The following EYS variants were observed in gnomAD, a reference collection of about 807,000 sequenced individuals.
EYS encodes the protein EGF-like photoreceptor maintenance factor, also known as protein eyes shut homolog.
Under a neutral mutation model 282.1 loss-of-function variants are expected in EYS, and 250 were observed. That is an observed-to-expected ratio of 0.89 (90% CI 0.80 to 0.98). The LOEUF (loss-of-function observed/expected upper bound fraction) is 0.98. EYS is among the 50% of genes least tolerant of loss of function. The pLI is 0.00. For synonymous variants in EYS, 1,355 were observed against 1,282.9 expected, an observed-to-expected ratio of 1.06 and a Z score of -1.20; for missense variants, 4,016 against 3,709.0, an observed-to-expected ratio of 1.08 and a Z score of -2.15.
At chr6:65,240,153 A>G (rs1030748489) in intron 12 of EYS, among the ~76,000 whole-genome samples, 2 of 151,990 alleles carry the variant, frequency 1.3e-5, no homozygotes, top group African/African-American at 4.8e-5. Context: ...TATTTTTAGT[A>G]GAGACGGGGT....
chr6:64,978,150 G>A (rs1056484122), intron 14 of EYS, among the ~76,000 whole-genome samples: 1 of 151,886 alleles, frequency 6.6e-6, no homozygotes, highest in Non-Finnish European at 1.5e-5. Flanking sequence ...AGTTAGAGAG[G>A]AGATGTCAAT....
At chr6:63,879,391 G>A (rs2149717563) in intron 35 of EYS, among the ~76,000 whole-genome samples, 1 of 152,232 alleles carries the variant, frequency 6.6e-6, no homozygotes, top group African/African-American at 2.4e-5. Flanking sequence ...CTGGTTGGTG[G>A]AGAGAGGGAG....
chr6:65,474,081 G>T (rs189257701), intron 5 of EYS, among the ~76,000 whole-genome samples: 1 of 152,048 alleles, frequency 6.6e-6, no homozygotes, highest in African/African-American at 2.4e-5. Flanking sequence ...TCAAGTAGGT[G>T]TATCCATCAA....
intron 22 of EYS, among the ~76,000 whole-genome samples, chr6:64,712,954 A>C (rs572859322): frequency 6.6e-6 from 1 of 152,230 alleles, no homozygotes; most frequent in Non-Finnish European, 1.5e-5. Flanking sequence ...AACTATTAGA[A>C]GAATGCATTC....
At chr6:63,948,520 C>T (rs1765466003) in intron 35 of EYS, among the ~76,000 whole-genome samples, 1 of 152,188 alleles carries the variant, frequency 6.6e-6, no homozygotes, top group Non-Finnish European at 1.5e-5. Flanking sequence ...CAACAAGATG[C>T]TGATCAGACA....
chr6:64,333,729 C>T (rs1056213188), intron 29 of EYS, among the ~76,000 whole-genome samples: 3 of 152,144 alleles, frequency 2.0e-5, no homozygotes, highest in African/African-American at 7.2e-5. Context: ...TACCCCAATG[C>T]AACAGTTTAG....
chr6:64,641,306 A>G (rs1202481944), intron 22 of EYS, among the ~76,000 whole-genome samples: 1 of 152,150 alleles, frequency 6.6e-6, no homozygotes, highest in Non-Finnish European at 1.5e-5. Flanking sequence ...CTCATTCACT[A>G]TCACCAGAAT....
At chr6:63,838,857 G>C (rs970379663) in intron 36 of EYS, among the ~76,000 whole-genome samples, 3 of 151,986 alleles carry the variant, frequency 2.0e-5, no homozygotes, top group Non-Finnish European at 4.4e-5. Context: ...CTCTTCATAA[G>C]TGATCTCATA....
chr6:65,138,350 C>T (rs1561985237), intron 12 of EYS, among the ~76,000 whole-genome samples: 1 of 151,868 alleles, frequency 6.6e-6, no homozygotes, highest in Admixed American at 6.6e-5. Flanking sequence ...TTTTTGGAAG[C>T]CCAGTATTAC....
intron 31 of EYS, among the ~76,000 whole-genome samples, chr6:64,094,655 G>C (rs1772516225): frequency 6.6e-6 from 1 of 151,830 alleles, no homozygotes; most frequent in African/African-American, 2.4e-5. Flanking sequence ...ATTTTCTTCT[G>C]TATTAATCTT....
chr6:64,348,123 A>T (rs1318254152), intron 29 of EYS, among the ~76,000 whole-genome samples: 1 of 151,438 alleles, frequency 6.6e-6, no homozygotes, highest in African/African-American at 2.4e-5. Flanking sequence ...ACTGATTGAG[A>T]AATTATTTTA....
rs1222153906 is a variant in EYS, at chr6:65,116,332, T to A, written c.2024-58605A>T. 2.0e-5 allele frequency among the ~76,000 whole-genome samples: 3 copies of A among 152,220 alleles called. No homozygotes were observed. The South Asian group carries it at 6.2e-4, about 32-fold the overall frequency. ...ACATTCTTCACGTCTAATTAACACATTTTCCCCATAGTACTCTGGAAAGTG... is the reference window on the plus strand; with the variant it reads ...ACATTCTTCACGTCTAATTAACACAATTTCCCCATAGTACTCTGGAAAGTG... On this transcript the variant is annotated intron_variant, in intron 12 of 42. Coordinates refer to ENST00000503581, the MANE Select transcript of EYS (RefSeq NM_001142800.2).
At chr6:65,090,891 G>T (rs1413761332) in intron 12 of EYS, among the ~76,000 whole-genome samples, 1 of 151,848 alleles carries the variant, frequency 6.6e-6, no homozygotes, top group Non-Finnish European at 1.5e-5. Context: ...CTGTCATAAG[G>T]TCTGAGAATG....
intron 31 of EYS, among the ~76,000 whole-genome samples, chr6:64,098,262 C>T (rs1042419540): frequency 6.6e-6 from 1 of 151,946 alleles, no homozygotes; most frequent in East Asian, 1.9e-4. Context: ...GACAAATTTC[C>T]ATTAATAGAC....
intron 31 of EYS, among the ~76,000 whole-genome samples, chr6:64,225,956 G>T (rs1426220632): frequency 1.3e-5 from 2 of 152,062 alleles, no homozygotes; most frequent in Non-Finnish European, 2.9e-5. Flanking sequence ...TAAATATGCA[G>T]CATTGCTCTC....
intron 31 of EYS, among the ~76,000 whole-genome samples, chr6:64,102,177 A>G (rs1772852199): frequency 6.6e-6 from 1 of 152,212 alleles, no homozygotes; most frequent in Non-Finnish European, 1.5e-5. Context: ...TTGAATGTGT[A>G]GCATAATATT....
rs1399493226 is a variant in EYS at position 64,529,918 on chromosome 6, G to C, written c.5644+60305C>G. Reference sequence around the variant, plus strand: ...GATGGAAACTCAGAATCCAATGTTAGTGAAGAAAAAGATTCTGTAAGTAGA... The same window carrying C: ...GATGGAAACTCAGAATCCAATGTTACTGAAGAAAAAGATTCTGTAAGTAGA... On this transcript the variant is annotated intron_variant, in intron 26 of 42. Transcript: ENST00000503581. 5.9e-5 allele frequency among the ~76,000 whole-genome samples: 9 copies of C among 152,190 alleles called. No individual in the cohort carries two copies. The East Asian group carries it at 1.5e-3, about 26-fold the overall frequency.
chr6:64,040,831 G>A (rs988697431), intron 33 of EYS, among the ~76,000 whole-genome samples: 1 of 152,114 alleles, frequency 6.6e-6, no homozygotes, highest in Non-Finnish European at 1.5e-5. Flanking sequence ...TTATCCTCGA[G>A]CTCCTAAAAA....
chr6:63,948,252 G>A (rs913047899), intron 35 of EYS, among the ~76,000 whole-genome samples: 2 of 152,208 alleles, frequency 1.3e-5, no homozygotes, highest in African/African-American at 4.8e-5. Flanking sequence ...CTGCCATTGT[G>A]TGAAGATGGA....
Sources: gnomAD v4.1 joint callset for allele counts (sites outside exome capture counted in the v4.1 genomes callset) on GRCh38, gnomAD v4.1.1 for gene constraint, MANE v1.5 for transcripts, NCBI Gene and HGNC (gene_info 2026-07-23, HGNC 2026-07-21) for gene names.